THSD4: variants seen among roughly 807,000 people sequenced by gnomAD.
The protein encoded by THSD4 is thrombospondin type 1 domain containing 4.
Under a neutral mutation model 119.0 loss-of-function variants are expected in THSD4, and 69 were observed. That is an observed-to-expected ratio of 0.58 (90% CI 0.48 to 0.71). The LOEUF is 0.71. THSD4 is among the 30% of genes least tolerant of loss of function. THSD4 has a pLI of 0.00. For synonymous variants in THSD4, 524 were observed against 540.4 expected (o/e 0.97, Z 0.42); for missense variants, 1,393 against 1,391.1 (o/e 1.00, Z -0.02).
intron 7 of THSD4, among the ~76,000 whole-genome samples, chr15:71,620,998 G>A (rs1023827987): frequency 1.8e-4 from 27 of 152,256 alleles, no homozygotes; most frequent in South Asian, 8.3e-4. Flanking sequence ...ATGGTAGGAC[G>A]TTGGACAAGA....
intron 6 of THSD4, among the ~76,000 whole-genome samples, chr15:71,327,307 C>T (rs2045359222): frequency 6.6e-6 from 1 of 152,058 alleles, no homozygotes; most frequent in South Asian, 2.1e-4. Context: ...ACTGTCCTGC[C>T]ACCGGCCTAC....
chr15:71,707,943 T>C (rs2141084877), intron 8 of THSD4, among the ~76,000 whole-genome samples: 1 of 152,362 alleles, frequency 6.6e-6, no homozygotes, highest in East Asian at 1.9e-4. Context: ...GAGTATATTC[T>C]TGGAGCCTCT....
intron 17 of THSD4, among the ~76,000 whole-genome samples, chr15:71,773,280 A>G (rs1184380829): frequency 6.6e-6 from 1 of 152,142 alleles, no homozygotes; most frequent in East Asian, 1.9e-4. Context: ...CTCAGGCCAG[A>G]TAATATAACT....
intron 6 of THSD4, among the ~76,000 whole-genome samples, chr15:71,389,956 C>G (rs751347988): frequency 1.3e-5 from 2 of 151,774 alleles, no homozygotes; most frequent in East Asian, 1.9e-4. Context: ...AGGCGCCCAC[C>G]ACCACACCCA....
chr15:71,458,999 T>A (rs543565770), intron 7 of THSD4, among the ~76,000 whole-genome samples: 77 of 152,236 alleles, frequency 5.1e-4, no homozygotes, highest in Non-Finnish European at 1.0e-3. Context: ...TTTCTCTGCT[T>A]GACTATGTTT....
intron 7 of THSD4, among the ~76,000 whole-genome samples, chr15:71,603,829 A>G (rs781754451): frequency 2.0e-5 from 3 of 152,206 alleles, no homozygotes; most frequent in Non-Finnish European, 2.9e-5. Context: ...CTGGCAGTAT[A>G]TAAAGGGTGG....
intron 3 of THSD4, among the ~76,000 whole-genome samples, chr15:71,167,485 T>G (rs2043304667): frequency 6.6e-6 from 1 of 152,178 alleles, no homozygotes; most frequent in African/African-American, 2.4e-5. Context: ...CAAGTATACG[T>G]GTTTTGGAAT....
chr15:71,590,235 A>T (rs2049767685), intron 7 of THSD4, among the ~76,000 whole-genome samples: 1 of 138,364 alleles, frequency 7.2e-6, no homozygotes, highest in Non-Finnish European at 1.6e-5. Context: ...ATATTCCGTA[A>T]TACGTTTGTT....
At chr15:71,438,468 A>G (rs2047045558) in intron 7 of THSD4, among the ~76,000 whole-genome samples, 2 of 152,160 alleles carry the variant, frequency 1.3e-5, no homozygotes, top group South Asian at 4.1e-4. Context: ...TTCTTTCAGC[A>G]ATTTATGGTT....
At chr15:71,595,048 A>G (rs1056041516) in intron 7 of THSD4, among the ~76,000 whole-genome samples, 2 of 152,188 alleles carry the variant, frequency 1.3e-5, no homozygotes, top group African/African-American at 4.8e-5. Flanking sequence ...AAAAGTTTGG[A>G]ATAGAGAACA....
chr15:71,456,038 C>T (rs2047334662), intron 7 of THSD4, among the ~76,000 whole-genome samples: 2 of 152,198 alleles, frequency 1.3e-5, no homozygotes, highest in South Asian at 4.1e-4. Context: ...CAAAGTCAGG[C>T]TTTGACTACC....
intron 3 of THSD4, among the ~76,000 whole-genome samples, chr15:71,202,865 C>T (rs2043814822): frequency 6.6e-6 from 1 of 152,128 alleles, no homozygotes; most frequent in African/African-American, 2.4e-5. Flanking sequence ...TTCCCAGCAG[C>T]GTAACCTTCA....
chr15:71,593,861 G>A (rs555391196), intron 7 of THSD4, among the ~76,000 whole-genome samples: 44 of 151,974 alleles, frequency 2.9e-4, no homozygotes, highest in Admixed American at 5.9e-4. Context: ...CCATGATTGC[G>A]CCACTGCACT....
chr15:71,676,497 G>T (rs1483537794), intron 8 of THSD4, among the ~76,000 whole-genome samples: 2 of 152,116 alleles, frequency 1.3e-5, no homozygotes, highest in African/African-American at 2.4e-5. Context: ...GGCCAGGATG[G>T]TCTCAATCTC....
At chr15:71,206,531 G>T (rs942791498) in intron 3 of THSD4, among the ~76,000 whole-genome samples, 3 of 152,154 alleles carry the variant, frequency 2.0e-5, no homozygotes. Flanking sequence ...ACTTTTTCCA[G>T]TCTCTCTTAG....
At chr15:71,267,761 G>A (rs1457812712) in intron 6 of THSD4, among the ~76,000 whole-genome samples, 2 of 152,086 alleles carry the variant, frequency 1.3e-5, no homozygotes, top group African/African-American at 4.8e-5. Flanking sequence ...AAGGGATGGA[G>A]GAATATTTAC....
At chr15:71,748,677 A>C (rs1270751104) in intron 14 of THSD4, 83 bp downstream of exon 14, 2 of 1,500,616 alleles carry the variant, frequency 1.3e-6, no homozygotes, top group African/African-American at 1.4e-5. Context: ...TCACTAGCTC[A>C]GAATCCCAAG....
At chr15:71,380,990 A>C (rs181906455) in intron 6 of THSD4, among the ~76,000 whole-genome samples, 4 of 152,316 alleles carry the variant, frequency 2.6e-5, no homozygotes, top group Admixed American at 6.5e-5. Context: ...ATGGCCCATC[A>C]GGTAGTGGAA....
upstream of THSD4, among the ~76,000 whole-genome samples, chr15:71,112,455 G>T (rs775538195): frequency 1.3e-5 from 2 of 152,168 alleles, no homozygotes; most frequent in African/African-American, 2.4e-5. Flanking sequence ...TAGGGCCAGT[G>T]GATAATAATT....
Sources: gnomAD v4.1 joint callset for allele counts (sites outside exome capture counted in the v4.1 genomes callset) on GRCh38, gnomAD v4.1.1 for gene constraint, MANE v1.5 for transcripts, NCBI Gene and HGNC (gene_info 2026-07-23, HGNC 2026-07-21) for gene names.